TENM4: variants seen among roughly 807,000 people sequenced by gnomAD.
TENM4 encodes the protein teneurin transmembrane protein 4, also known as teneurin-4.
TENM4 carries 82 observed loss-of-function variants against 243.3 expected under a neutral mutation model. The observed-to-expected ratio is 0.34, with a 90% confidence interval of 0.28 to 0.40. The LOEUF (loss-of-function observed/expected upper bound fraction) is 0.40, where lower values mean the gene tolerates loss of function less well. TENM4 is among the 10% of genes least tolerant of loss of function. The pLI is 1.00. For missense variants in TENM4, 3,138 were observed against 3,673.3 expected, an observed-to-expected ratio of 0.85 and a Z score of 3.77; for synonymous variants, 1,412 against 1,456.3, an observed-to-expected ratio of 0.97 and a Z score of 0.69.
intron 2 of TENM4, among the ~76,000 whole-genome samples, chr11:79,234,756 T>C (rs1864432173): frequency 6.6e-6 from 1 of 152,146 alleles, no homozygotes; most frequent in African/African-American, 2.4e-5. Context: ...GGAATGGAGG[T>C]GGGTTTATTT....
intron 6 of TENM4, among the ~76,000 whole-genome samples, chr11:78,988,978 C>T (rs751369547): frequency 1.4e-4 from 22 of 152,170 alleles, no homozygotes; most frequent in Non-Finnish European, 2.9e-4. Flanking sequence ...CATGAGGCCA[C>T]GATTCCCTTT....
At chr11:79,347,321 G>T (rs1347127327) in intron 1 of TENM4, among the ~76,000 whole-genome samples, 1 of 152,168 alleles carries the variant, frequency 6.6e-6, no homozygotes, top group Non-Finnish European at 1.5e-5. Flanking sequence ...CTCTAGAGCT[G>T]CCTTATACCA....
Position 78,805,285 on chromosome 11 carries a change from C to CCACCACACCCCCCCCCCCCAA in TENM4, c.2179+6_2179+7insTTGGGGGGGGGGGGTGTGGTG. 1 of 1,578,072 alleles carries CCACCACACCCCCCCCCCCCAA rather than the reference C, an allele frequency of 6.3e-7. No individual in the cohort carries two copies. The highest frequency in any genetic ancestry group is 8.6e-7 in the Non-Finnish European group (1 of 1,160,314). ...TCTACCCATGCTTCTTCTCCCCCTGCATTTACCGATAGAACAGTCGTGTCC... is the reference window on the plus strand; with the variant it reads ...TCTACCCATGCTTCTTCTCCCCCTGCCACCACACCCCCCCCCCCCAAATTTACCGATAGAACAGTCGTGTCC... On this transcript the variant is annotated splice_region_variant and intron_variant, in intron 15 of 33. Coordinates refer to ENST00000278550, the MANE Select transcript of TENM4 (RefSeq NM_001098816.3).
Position 79,085,143 on chromosome 11 carries a change from C to T in TENM4, c.-65-15134G>A, listed in dbSNP as rs186065929. On this transcript the variant is annotated intron_variant, in intron 4 of 33. Transcript: ENST00000278550. The stretch of plus-strand genomic sequence containing the variant: ...ATCCCAGCACTTTGGGAGGCCAAGG[C>T]GGGTGGATCACGAGGTCAGGAGATC... Among the ~76,000 whole-genome samples, 140 of 151,718 alleles carry T rather than the reference C, an allele frequency of 9.2e-4. 1 individual carries two copies. Among genetic ancestry groups the T allele is most frequent in the Admixed American group, 2.6e-3 (39 of 15,238 alleles).
intron 2 of TENM4, among the ~76,000 whole-genome samples, chr11:79,262,052 G>C (rs2135326629): frequency 6.6e-6 from 1 of 152,280 alleles, no homozygotes; most frequent in East Asian, 1.9e-4. Flanking sequence ...CCATAAGATG[G>C]AAGACAAAAG....
At chr11:79,244,586 A>T (rs763846041) in intron 2 of TENM4, among the ~76,000 whole-genome samples, 3 of 152,164 alleles carry the variant, frequency 2.0e-5, no homozygotes, top group Non-Finnish European at 1.5e-5. Flanking sequence ...CTTGCAGTAC[A>T]TCAGTTATAT....
chr11:78,890,185 A>G (rs12284074), intron 8 of TENM4, among the ~76,000 whole-genome samples, 165 bp from the exon 9 acceptor site: 3,122 of 152,134 alleles, frequency 0.021, 116 homozygotes, highest in African/African-American at 0.072. Flanking sequence ...AGAGCTACGG[A>G]CTAGACCATG....
At position 78,702,248 on chromosome 11, in the gene TENM4, G is replaced by A; in HGVS notation, c.4365C>T (p.His1455=). The change falls in exon 28 of 34, where the codon CAC becomes CAT. Residue 1455 remains histidine (H), a synonymous_variant. Coordinates refer to ENST00000278550, the MANE Select transcript of TENM4 (RefSeq NM_001098816.3). ...GGATGGCCACCTTGCTTAGCAGGAA[G>A]TGGTCAATGCCAGGGACCTGGCAGT... is the stretch of plus-strand genomic sequence containing the variant. ...PMHCQVPGID[H]FLLSKVAIHA... 6.2e-7 allele frequency: 1 copy of A among 1,614,048 alleles called. No homozygotes were observed. Among genetic ancestry groups the A allele is most frequent in the South Asian group, 1.1e-5 (1 of 91,082 alleles).
chr11:79,301,706 C>T (rs577024508), intron 1 of TENM4, among the ~76,000 whole-genome samples: 29 of 152,268 alleles, frequency 1.9e-4, no homozygotes, highest in African/African-American at 5.8e-4. Flanking sequence ...GTGATTGGAT[C>T]GTGGGGTGGA....
intron 6 of TENM4, among the ~76,000 whole-genome samples, chr11:78,918,269 A>G (rs1183984441): frequency 1.3e-5 from 2 of 151,858 alleles, no homozygotes; most frequent in African/African-American, 4.8e-5. Flanking sequence ...CCACAGCATC[A>G]TGTGCTGTTT....
At chr11:78,986,660 A>T (rs1037191705) in intron 6 of TENM4, among the ~76,000 whole-genome samples, 2 of 151,120 alleles carry the variant, frequency 1.3e-5, no homozygotes, top group East Asian at 3.9e-4. Flanking sequence ...GCCTCCCTCC[A>T]CCTCCCGAGT....
At chr11:79,129,178 A>G (rs1861944932) in intron 4 of TENM4, among the ~76,000 whole-genome samples, 1 of 152,184 alleles carries the variant, frequency 6.6e-6, no homozygotes, top group Non-Finnish European at 1.5e-5. Flanking sequence ...GAGCTGAGCA[A>G]AATACAGGGG....
intron 6 of TENM4, among the ~76,000 whole-genome samples, chr11:79,022,648 T>C (rs567375290): frequency 6.0e-4 from 92 of 152,278 alleles, no homozygotes; most frequent in African/African-American, 2.1e-3. Flanking sequence ...ACACACACGA[T>C]AGCATTTTTG....
At chr11:79,312,939 G>T (rs947006979) in intron 1 of TENM4, among the ~76,000 whole-genome samples, 4 of 152,186 alleles carry the variant, frequency 2.6e-5, no homozygotes, top group African/African-American at 9.7e-5. Context: ...ACACGGGAAG[G>T]CTGTGTGCTT....
chr11:78,762,229 A>C (rs1856445900), intron 18 of TENM4, among the ~76,000 whole-genome samples: 1 of 152,200 alleles, frequency 6.6e-6, no homozygotes, highest in Non-Finnish European at 1.5e-5. Flanking sequence ...TAGCACGATA[A>C]CTAGCAACTA....
Position 79,069,770 on chromosome 11 carries a change from G to T in TENM4, c.175C>A (p.Arg59Ser). The T allele has an allele frequency of 6.4e-7, 1 of 1,551,214 alleles. No homozygotes were observed. Among genetic ancestry groups the T allele is most frequent in the South Asian group, 1.2e-5 (1 of 84,064 alleles). ...TCCTGCGGCACAATGTCCTTGACGC[G>T]GCTGCCATAGGCTAGGCGGGCGTCC... ...DQDARLAYGSRVKDIVPQEAE... is the reference protein window; with the variant it reads ...DQDARLAYGSSVKDIVPQEAE... Residue 59 changes from arginine (R) to serine (S), a missense_variant, in exon 5 of 34, where the codon CGC becomes AGC. Transcript: ENST00000278550.
At chr11:78,980,183 TAAC>T (rs1404030552) in intron 6 of TENM4, among the ~76,000 whole-genome samples, 3 of 152,254 alleles carry the variant, frequency 2.0e-5, no homozygotes, top group African/African-American at 7.2e-5. Flanking sequence ...GACTTGCTAA[TAAC>T]AACAATGATA....
At chr11:78,668,263 T>G (rs2135664160) in intron 32 of TENM4, among the ~76,000 whole-genome samples, 1 of 152,328 alleles carries the variant, frequency 6.6e-6, no homozygotes, top group South Asian at 2.1e-4. Flanking sequence ...ACTGTTGACT[T>G]ATTAGCTAGG....
At chr11:78,758,595 A>T (rs1482970998) in intron 18 of TENM4, among the ~76,000 whole-genome samples, 1 of 152,206 alleles carries the variant, frequency 6.6e-6, no homozygotes, top group Non-Finnish European at 1.5e-5. Context: ...GAAGCTGCCC[A>T]CCAAAGTACT....
Sources: gnomAD v4.1 joint callset for allele counts (sites outside exome capture counted in the v4.1 genomes callset) on GRCh38, gnomAD v4.1.1 for gene constraint, MANE v1.5 for transcripts, NCBI Gene and HGNC (gene_info 2026-07-23, HGNC 2026-07-21) for gene names.